STK3: variants seen among roughly 807,000 people sequenced by gnomAD.
The protein encoded by STK3 is serine/threonine kinase 3.
A neutral mutation model predicts 58.0 loss-of-function variants in STK3; 41 were observed. The ratio of observed to expected loss-of-function variants is 0.71; its 90% confidence interval spans 0.55 to 0.92. The LOEUF (loss-of-function observed/expected upper bound fraction) is 0.92. STK3 is among the 40% of genes least tolerant of loss of function. The probability of loss-of-function intolerance (pLI) is 0.00; values close to 1 mark genes in which losing one functional copy is unlikely to be tolerated. For missense variants in STK3, 479 were observed against 602.7 expected, an observed-to-expected ratio of 0.79 and a Z score of 2.15; for synonymous variants, 170 against 191.0, an observed-to-expected ratio of 0.89 and a Z score of 0.91.
chr8:98,504,309 A>G (rs1438469251), intron 10 of STK3, among the ~76,000 whole-genome samples: 1 of 152,158 alleles, frequency 6.6e-6, no homozygotes, highest in East Asian at 1.9e-4. Context: ...GGTCTCCTGA[A>G]TACAGCACAT....
upstream of STK3, among the ~76,000 whole-genome samples, chr8:98,829,169 C>A (rs997568878): frequency 6.6e-6 from 1 of 152,152 alleles, no homozygotes; most frequent in African/African-American, 2.4e-5. Flanking sequence ...TGACCTAGGG[C>A]TAGCTGTGTT....
intron 10 of STK3, among the ~76,000 whole-genome samples, chr8:98,494,654 CAAAAAAAA>C (rs398008984): frequency 0.014 from 564 of 40,450 alleles, 7 homozygotes; most frequent in Non-Finnish European, 0.019. Flanking sequence ...GACCCTGTCT[CAAAAAAAA>C]AAAAAAAAAA....
intron 1 of STK3, among the ~76,000 whole-genome samples, chr8:98,927,748 G>A (rs138236320): frequency 7.2e-5 from 11 of 152,302 alleles, no homozygotes; most frequent in African/African-American, 2.6e-4. Context: ...CCCTGCTCTA[G>A]GATTGTAAAC....
intron 5 of STK3, 62 bp downstream of exon 5, chr8:98,707,085 T>G (rs1407176257): frequency 6.7e-7 from 1 of 1,487,056 alleles, no homozygotes; most frequent in African/African-American, 1.4e-5. Flanking sequence ...AATTGAAGTT[T>G]AGTTATAATC....
intron 3 of STK3, among the ~76,000 whole-genome samples, chr8:98,834,111 A>G (rs1835656646): frequency 6.6e-6 from 1 of 152,234 alleles, no homozygotes; most frequent in South Asian, 2.1e-4. Context: ...TGCTATTGCC[A>G]CAAGTAGCTA....
rs141146310 is a variant in STK3 at position 98,597,343 on chromosome 8, A to C, written c.685-1174T>G. The C allele has an allele frequency of 1.3e-4, 125 of 985,394 alleles. 1 individual carries two copies. The East Asian group carries it at 8.8e-3, about 70-fold the overall frequency. 61.0% of individuals were successfully genotyped at this position (985,394 alleles called of 1,614,324 possible). A position where few individuals can be genotyped will look rare whatever the true frequency, so the allele number is the denominator to read the frequency against. ...TAGGTTAAGAGTCAATCTTTTTACC[A>C]GTATATGCATCTTCTTTCAAAAAAC... is the stretch of plus-strand genomic sequence containing the variant. On this transcript the variant is annotated intron_variant, in intron 6 of 10. Transcript: ENST00000419617.
chr8:98,772,748 C>T (rs984968463), intron 2 of STK3, among the ~76,000 whole-genome samples: 1 of 152,048 alleles, frequency 6.6e-6, no homozygotes, highest in African/African-American at 2.4e-5. Context: ...CTCCCCTGCC[C>T]TATCTTGCTC....
At chr8:98,832,169 G>A (rs1206756882) in intron 3 of STK3, among the ~76,000 whole-genome samples, 1 of 151,356 alleles carries the variant, frequency 6.6e-6, no homozygotes, top group East Asian at 1.9e-4. Context: ...CCGGAAGCAG[G>A]CATTTTAAAG....
At chr8:98,667,614 T>C (rs916518643) in intron 6 of STK3, among the ~76,000 whole-genome samples, 1 of 152,116 alleles carries the variant, frequency 6.6e-6, no homozygotes, top group African/African-American at 2.4e-5. Flanking sequence ...ATTGAATGTA[T>C]AAAAGGCAAG....
chr8:98,456,930 T>C (rs868061755), intron 10 of STK3, among the ~76,000 whole-genome samples: 2 of 152,278 alleles, frequency 1.3e-5, no homozygotes, highest in African/African-American at 4.8e-5. Flanking sequence ...AATTCACTCT[T>C]AGCTGAAAAA....
At chr8:98,858,335 G>C (rs1163697844) in intron 3 of STK3, among the ~76,000 whole-genome samples, 3 of 124,888 alleles carry the variant, frequency 2.4e-5, no homozygotes, top group Non-Finnish European at 5.1e-5. Flanking sequence ...GAGAGAGAGA[G>C]AGAGAGAGAG....
At chr8:98,565,571 C>A (rs1812408410) in intron 8 of STK3, among the ~76,000 whole-genome samples, 1 of 152,078 alleles carries the variant, frequency 6.6e-6, no homozygotes, top group Non-Finnish European at 1.5e-5. Context: ...TAAGTACATT[C>A]TATTTTCAAA....
intron 6 of STK3, among the ~76,000 whole-genome samples, chr8:98,626,331 A>C (rs1818712890): frequency 6.6e-6 from 1 of 152,210 alleles, no homozygotes; most frequent in South Asian, 2.1e-4. Context: ...AATACAATCA[A>C]ATGTTTCAGA....
intron 10 of STK3, among the ~76,000 whole-genome samples, chr8:98,488,299 T>C (rs1363423915): frequency 6.6e-6 from 1 of 152,200 alleles, no homozygotes; most frequent in Non-Finnish European, 1.5e-5. Flanking sequence ...GAAAATAATT[T>C]TCATAAAATA....
chr8:98,367,928 C>T (rs1198791818), downstream of STK3, among the ~76,000 whole-genome samples: 1 of 152,220 alleles, frequency 6.6e-6, no homozygotes, highest in East Asian at 1.9e-4. Context: ...TATGTATGAA[C>T]TTGCACGCTG....
At chr8:98,710,745 C>T (rs560750471) in intron 4 of STK3, among the ~76,000 whole-genome samples, 2 of 152,344 alleles carry the variant, frequency 1.3e-5, no homozygotes, top group East Asian at 1.9e-4. Flanking sequence ...GCAGCAGAAA[C>T]GTCTGCAGAC....
At chr8:98,441,835 T>A (rs1818708499) in intron 1 of STK3, among the ~76,000 whole-genome samples, 1 of 152,198 alleles carries the variant, frequency 6.6e-6, no homozygotes, top group South Asian at 2.1e-4. Flanking sequence ...GTTTCCTCAC[T>A]TGGCACAGCT....
intron 9 of STK3, among the ~76,000 whole-genome samples, chr8:98,542,632 G>A (rs545618758): frequency 3.9e-5 from 6 of 152,292 alleles, no homozygotes; most frequent in Admixed American, 1.3e-4. Flanking sequence ...TTTTATCACC[G>A]CATGGGAAGC....
At chr8:98,584,026 A>G (rs952939323) in intron 7 of STK3, among the ~76,000 whole-genome samples, 1 of 152,124 alleles carries the variant, frequency 6.6e-6, no homozygotes, top group African/African-American at 2.4e-5. Flanking sequence ...ATGTCTTTTA[A>G]TTTAACAAAA....
Sources: gnomAD v4.1 joint callset for allele counts (sites outside exome capture counted in the v4.1 genomes callset) on GRCh38, gnomAD v4.1.1 for gene constraint, MANE v1.5 for transcripts, NCBI Gene and HGNC (gene_info 2026-07-23, HGNC 2026-07-21) for gene names.